Variants in CA5A observed in about 807,000 individuals in gnomAD.
CA5A encodes the protein carbonic anhydrase 5A, also known as carbonic anhydrase 5A, mitochondrial.
A neutral mutation model predicts 37.1 loss-of-function variants in CA5A; 28 were observed. That is an observed-to-expected ratio of 0.75 (90% CI 0.56 to 1.03). CA5A has a LOEUF of 1.03. CA5A is among the 50% of genes least tolerant of loss of function. CA5A has a pLI of 0.00. For missense variants in CA5A, 444 were observed against 399.9 expected, an observed-to-expected ratio of 1.11 and a Z score of -0.94; for synonymous variants, 171 against 158.4, an observed-to-expected ratio of 1.08 and a Z score of -0.60.
intron 1 of CA5A, among the ~76,000 whole-genome samples, chr16:87,928,756 C>CTTT (rs2056351904): frequency 3.7e-5 from 4 of 108,148 alleles, no homozygotes; most frequent in African/African-American, 1.4e-4. Context: ...ATTTTCTTTT[C>CTTT]TTTGTTTTTT....
chr16:87,882,717 C>T (rs2143873147), intron 4 of CA5A: 1 of 152,446 alleles, frequency 6.6e-6, no homozygotes, highest in East Asian at 1.9e-4. Flanking sequence ...GCCGTACACC[C>T]TGTCCTTCAG....
intron 5 of CA5A, among the ~76,000 whole-genome samples, chr16:87,895,373 A>G (rs955797286): frequency 6.6e-6 from 1 of 152,006 alleles, no homozygotes; most frequent in East Asian, 1.9e-4. Flanking sequence ...TGGCGAAACC[A>G]TGTCTCTACT....
At chr16:87,926,347 G>A (rs1281834740) in intron 2 of CA5A, among the ~76,000 whole-genome samples, 4 of 152,210 alleles carry the variant, frequency 2.6e-5, no homozygotes, top group Non-Finnish European at 5.9e-5. Flanking sequence ...GCAGGCCTCT[G>A]CCTAGATGAT....
rs1171457770 is a variant in CA5A at position 87,933,065 on chromosome 16, G to C, written c.142+3244C>G. Among the ~76,000 whole-genome samples, 15 of 152,230 alleles carry C rather than the reference G, an allele frequency of 9.9e-5. No homozygotes were observed. The East Asian group carries it at 2.9e-3, about 29-fold the overall frequency. On this transcript the variant is annotated intron_variant, in intron 1 of 6. Transcript: ENST00000649794. ...CAGTGAGCAGGCCTGCACCCACCCA[G>C]AGTGGGGAGCCCAGCCCAACCACGG... is the stretch of plus-strand genomic sequence containing the variant.
intron 3 of CA5A, among the ~76,000 whole-genome samples, chr16:87,904,367 A>C (rs1333919822): frequency 5.6e-5 from 8 of 141,640 alleles, no homozygotes; most frequent in African/African-American, 1.1e-4. Context: ...AAACCAAAAA[A>C]CAAACAAACA....
chr16:87,901,903 G>A lies in CA5A; in HGVS notation c.618+9C>T, dbSNP rs372043258. On this transcript the variant is annotated intron_variant, in intron 5 of 6. Coordinates refer to ENST00000649794, the MANE Select transcript of CA5A (RefSeq NM_001739.2). The stretch of plus-strand genomic sequence containing the variant: ...CGCCCGGCCTGCTGATTTCAAATAT[G>A]CAGCTTACCTTATGTTTTATTTCCG... 4 of 1,609,128 alleles carry A rather than the reference G, an allele frequency of 2.5e-6. No homozygotes were observed. Among genetic ancestry groups the A allele is most frequent in the Non-Finnish European group, 3.4e-6 (4 of 1,176,676 alleles).
chr16:87,921,872 A>ATTT (rs67040230), intron 2 of CA5A, among the ~76,000 whole-genome samples: 2 of 121,306 alleles, frequency 1.6e-5, no homozygotes, highest in African/African-American at 3.2e-5. Context: ...TATTATTATT[A>ATTT]TTATTATTTT....
At chr16:87,893,269 A>T (rs1046066052) in intron 5 of CA5A, among the ~76,000 whole-genome samples, 1 of 151,792 alleles carries the variant, frequency 6.6e-6, no homozygotes. Flanking sequence ...CTGGGACTAC[A>T]TCTTCACGCC....
At chr16:87,913,886 C>T (rs575714004) in intron 2 of CA5A, among the ~76,000 whole-genome samples, 8 of 152,310 alleles carry the variant, frequency 5.3e-5, no homozygotes, top group Non-Finnish European at 8.8e-5. Context: ...GGGGGGTCAT[C>T]TGGGAGGGCA....
intron 1 of CA5A, among the ~76,000 whole-genome samples, chr16:87,932,490 C>T (rs1263906298): frequency 1.2e-4 from 18 of 152,318 alleles, no homozygotes; most frequent in Non-Finnish European, 1.9e-4. Context: ...ACGGAGGCGA[C>T]GCCACCTGGA....
chr16:87,922,307 TGAG>T (rs1178772089), intron 2 of CA5A, among the ~76,000 whole-genome samples: 1 of 151,928 alleles, frequency 6.6e-6, no homozygotes, highest in African/African-American at 2.4e-5. Flanking sequence ...AGGCTGTTCC[TGAG>T]GAGGGTGTGC....
intron 2 of CA5A, among the ~76,000 whole-genome samples, chr16:87,922,601 G>A (rs566055436): frequency 2.4e-4 from 36 of 152,352 alleles, no homozygotes; most frequent in African/African-American, 7.7e-4. Context: ...GGTGAGGGAC[G>A]GGCCTCCCGT....
intron 2 of CA5A, among the ~76,000 whole-genome samples, chr16:87,920,299 T>C (rs1002675394): frequency 6.6e-6 from 1 of 151,986 alleles, no homozygotes; most frequent in Non-Finnish European, 1.5e-5. Flanking sequence ...TCACTGTTTT[T>C]TGTTTGTTTG....
intron 1 of CA5A, among the ~76,000 whole-genome samples, chr16:87,930,627 G>C (rs1407777214): frequency 1.3e-5 from 2 of 152,148 alleles, no homozygotes; most frequent in African/African-American, 2.4e-5. Context: ...GGGGAGGAGA[G>C]AGCGGTGGGG....
rs577000213 is a variant in CA5A at position 87,929,648 on chromosome 16, G to A, written c.143-2703C>T. 3.6e-4 allele frequency among the ~76,000 whole-genome samples: 55 copies of A among 151,706 alleles called. 1 individual carries two copies. The East Asian group carries it at 5.8e-3, about 16-fold the overall frequency. On this transcript the variant is annotated intron_variant, in intron 1 of 6. Coordinates refer to ENST00000649794, the MANE Select transcript of CA5A (RefSeq NM_001739.2). ...AGCACTTTGGGAGGCCGAGGTGGGC[G>A]GATCACGAGGTCAGGAGATCGAGAC...
At chr16:87,921,627 C>A (rs534333132) in intron 2 of CA5A, among the ~76,000 whole-genome samples, 1 of 152,300 alleles carries the variant, frequency 6.6e-6, no homozygotes, top group Non-Finnish European at 1.5e-5. Context: ...TTCTGGACCC[C>A]GTGAATGGGA....
intron 1 of CA5A, among the ~76,000 whole-genome samples, chr16:87,929,451 C>CAAA (rs138039345): frequency 1.5e-4 from 13 of 88,136 alleles, no homozygotes; most frequent in African/African-American, 4.6e-4. Context: ...AATTCGGTCT[C>CAAA]AAAAAAAAAA....
intron 1 of CA5A, among the ~76,000 whole-genome samples, chr16:87,932,617 A>G (rs539296455): frequency 6.6e-6 from 1 of 152,150 alleles, no homozygotes; most frequent in Non-Finnish European, 1.5e-5. Flanking sequence ...CTCTTTTTCA[A>G]TCAGTCAACA....
rs2056374176 is a variant in CA5A, at chr16:87,929,836, C to T, written c.143-2891G>A. Among the ~76,000 whole-genome samples the T allele has an allele frequency of 3.6e-5, 5 of 137,158 alleles. No individual in the cohort carries two copies. The South Asian group carries it at 1.1e-3, about 31-fold the overall frequency. 90.0% of individuals were successfully genotyped at this position (137,158 alleles called of 152,430 possible). A position where few individuals can be genotyped will look rare whatever the true frequency, so the allele number is the denominator to read the frequency against. On this transcript the variant is annotated intron_variant, in intron 1 of 6. Coordinates refer to ENST00000649794, the MANE Select transcript of CA5A (RefSeq NM_001739.2). ...GCAGTGAGCCGAGATCGCGCCACCGCACTCCAGCCTGGGCAATACAGCGAG... is the reference window on the plus strand; with the variant it reads ...GCAGTGAGCCGAGATCGCGCCACCGTACTCCAGCCTGGGCAATACAGCGAG...
Sources: gnomAD v4.1 joint callset for allele counts (sites outside exome capture counted in the v4.1 genomes callset) on GRCh38, gnomAD v4.1.1 for gene constraint, MANE v1.5 for transcripts, NCBI Gene and HGNC (gene_info 2026-07-23, HGNC 2026-07-21) for gene names.